The following CHODL variants were observed in gnomAD, a reference collection of about 807,000 sequenced individuals.
CHODL encodes the protein chondrolectin.
A neutral mutation model predicts 34.5 loss-of-function variants in CHODL; 29 were observed. The observed-to-expected ratio is 0.84, with a 90% CI of 0.63 to 1.15. CHODL has a LOEUF of 1.15. Ranked by LOEUF, CHODL falls within the 50% of genes most tolerant of loss-of-function variation. The pLI is 0.00. For missense variants in CHODL, 332 were observed against 332.5 expected (o/e 1.00, Z 0.01); for synonymous variants, 125 against 116.1 (o/e 1.08, Z -0.49).
At chr21:18,121,228 GGAA>G (rs1319967807) in intron 2 of CHODL, among the ~76,000 whole-genome samples, 24 of 152,126 alleles carry the variant, frequency 1.6e-4, no homozygotes, top group Admixed American at 1.3e-3. Flanking sequence ...GGGCCACAGT[GGAA>G]GAAGAACTGT....
At chr21:18,144,695 C>T (rs1185424733) in intron 2 of CHODL, among the ~76,000 whole-genome samples, 1 of 151,766 alleles carries the variant, frequency 6.6e-6, no homozygotes, top group African/African-American at 2.4e-5. Context: ...TGTTTCTTAC[C>T]TCTTCCCTGG....
At chr21:18,089,801 AAC>A (rs2065050483) in intron 2 of CHODL, among the ~76,000 whole-genome samples, 1 of 152,222 alleles carries the variant, frequency 6.6e-6, no homozygotes, top group Non-Finnish European at 1.5e-5. Context: ...AGGATATTTC[AAC>A]ACACTTATTG....
At chr21:18,072,668 A>T (rs158025) in intron 2 of CHODL, among the ~76,000 whole-genome samples, 56,873 of 148,302 alleles carry the variant, frequency 0.38, 12,259 homozygotes, top group East Asian at 0.95. Context: ...TATTTAAGAT[A>T]AAAAAAAAAC....
At chr21:18,041,813 G>A (rs1050553675) in intron 2 of CHODL, among the ~76,000 whole-genome samples, 1 of 151,728 alleles carries the variant, frequency 6.6e-6, no homozygotes, top group Non-Finnish European at 1.5e-5. Context: ...TCTTAGGAAG[G>A]GCTTGATCAA....
intron 1 of CHODL, among the ~76,000 whole-genome samples, chr21:17,939,866 C>CG (rs1276630962): frequency 6.6e-6 from 1 of 152,078 alleles, no homozygotes; most frequent in Admixed American, 6.5e-5. Flanking sequence ...GGCAATAAAA[C>CG]GTTCAATTTT....
At chr21:18,011,425 T>C (rs76016319) in intron 1 of CHODL, among the ~76,000 whole-genome samples, 2,795 of 152,310 alleles carry the variant, frequency 0.018, 78 homozygotes, top group African/African-American at 0.063. Flanking sequence ...GCTTGGGTTT[T>C]GAAGATGCAG....
At chr21:17,984,410 T>C (rs2063737840) in intron 1 of CHODL, among the ~76,000 whole-genome samples, 1 of 152,214 alleles carries the variant, frequency 6.6e-6, no homozygotes. Flanking sequence ...CGGGATCATA[T>C]GGCAGTTCTA....
intron 2 of CHODL, among the ~76,000 whole-genome samples, chr21:18,071,907 G>C (rs774196686): frequency 3.3e-5 from 5 of 151,974 alleles, no homozygotes; most frequent in Non-Finnish European, 5.9e-5. Context: ...CACTCTGCTG[G>C]TCTGTGCATT....
intron 2 of CHODL, among the ~76,000 whole-genome samples, chr21:18,072,312 T>A (rs1006537643): frequency 6.6e-6 from 1 of 152,144 alleles, no homozygotes; most frequent in African/African-American, 2.4e-5. Context: ...CACAATGCAC[T>A]TAGTGATGAG....
At chr21:18,041,963 A>T (rs1030183717) in intron 2 of CHODL, among the ~76,000 whole-genome samples, 2 of 151,726 alleles carry the variant, frequency 1.3e-5, no homozygotes, top group South Asian at 4.2e-4. Context: ...AGCTGAATAT[A>T]TTTTTTTTAA....
At chr21:17,937,346 A>C (rs1045774688) in intron 1 of CHODL, among the ~76,000 whole-genome samples, 2 of 152,146 alleles carry the variant, frequency 1.3e-5, no homozygotes, top group African/African-American at 4.8e-5. Flanking sequence ...GCCCGTTTGA[A>C]GTTAGACTGT....
At chr21:18,032,271 G>A (rs1264933472) in intron 2 of CHODL, among the ~76,000 whole-genome samples, 1 of 151,908 alleles carries the variant, frequency 6.6e-6, no homozygotes, top group Non-Finnish European at 1.5e-5. Flanking sequence ...TTAATTAGCT[G>A]TATTTATCCG....
At chr21:18,193,619 C>T (rs2146695207) in intron 2 of CHODL, among the ~76,000 whole-genome samples, 1 of 150,870 alleles carries the variant, frequency 6.6e-6, no homozygotes, top group East Asian at 2.0e-4. Flanking sequence ...TTGTTTGAAC[C>T]CAGGAGGCAG....
chr21:18,178,310 T>C (rs1007073823), intron 2 of CHODL, among the ~76,000 whole-genome samples: 7 of 152,240 alleles, frequency 4.6e-5, no homozygotes, highest in East Asian at 1.9e-4. Flanking sequence ...TACTATTTTC[T>C]GCTTTGCAGT....
chr21:17,933,542 A>G (rs113158556), intron 1 of CHODL, among the ~76,000 whole-genome samples: 4 of 152,312 alleles, frequency 2.6e-5, no homozygotes, highest in South Asian at 2.1e-4. Flanking sequence ...TGTTTCAGAG[A>G]GCACGGGGTT....
At chr21:18,251,642 T>C (rs929030689) in intron 1 of CHODL, among the ~76,000 whole-genome samples, 4 of 130,778 alleles carry the variant, frequency 3.1e-5, no homozygotes, top group South Asian at 2.2e-4. Context: ...TTATTTATTT[T>C]AATATATAAA....
intron 2 of CHODL, among the ~76,000 whole-genome samples, chr21:18,087,376 G>T (rs1441606344): frequency 1.3e-5 from 2 of 152,156 alleles, no homozygotes; most frequent in African/African-American, 2.4e-5. Context: ...TCAGTCTGAG[G>T]GTGAGGTGCA....
At chr21:18,060,449 C>CAAATAAATAAATAAATAAATAAAT (rs58886259) in intron 2 of CHODL, among the ~76,000 whole-genome samples, 3 of 149,046 alleles carry the variant, frequency 2.0e-5, no homozygotes, top group African/African-American at 7.7e-5. Flanking sequence ...GACTCTGTCT[C>CAAATAAATAAATAAATAAATAAAT]AAATAAATAA....
chr21:18,028,395 T>TC (rs1289183200), intron 2 of CHODL, among the ~76,000 whole-genome samples: 1 of 151,444 alleles, frequency 6.6e-6, no homozygotes, highest in Non-Finnish European at 1.5e-5. Flanking sequence ...TTTCATAAGA[T>TC]CAAGAACTAG....
Sources: allele counts gnomAD v4.1 joint callset (sites outside exome capture counted in the v4.1 genomes callset), GRCh38; gene constraint gnomAD v4.1.1; transcripts MANE v1.5; gene names NCBI Gene and HGNC (gene_info 2026-07-23, HGNC 2026-07-21).